SORL1-AS1: variants seen among roughly 807,000 people sequenced by gnomAD.
SORL1-AS1 encodes lncRNA 51 A.
At chr11:121,446,838 C>T (rs1486686239), downstream of SORL1-AS1, among the ~76,000 whole-genome samples, 2 of 152,062 alleles carry the variant, frequency 1.3e-5, no homozygotes, top group Non-Finnish European at 2.9e-5. Context: ...CTTGCTGGCC[C>T]TAAGAGAGTG....
chr11:121,444,107 T>C (rs1038098419), downstream of SORL1-AS1, among the ~76,000 whole-genome samples: 1 of 151,992 alleles, frequency 6.6e-6, no homozygotes, highest in Non-Finnish European at 1.5e-5. Context: ...TGTGTGTGTG[T>C]GTGTCTGTGT....
At chr11:121,442,838 C>T (rs1860676956), downstream of SORL1-AS1, among the ~76,000 whole-genome samples, 1 of 150,234 alleles carries the variant, frequency 6.7e-6, no homozygotes. Flanking sequence ...ACCACCACGC[C>T]CGGCTAATTT....
the SORL1-AS1 span, among the ~76,000 whole-genome samples, chr11:121,440,416 C>T: frequency 5.0e-3 from 765 of 152,244 alleles, 8 homozygotes; most frequent in African/African-American, 0.017. Context: ...TCCAGAGGGC[C>T]AGAGGATGGC....
the SORL1-AS1 span, among the ~76,000 whole-genome samples, chr11:121,439,974 C>T: frequency 6.6e-6 from 1 of 152,134 alleles, no homozygotes; most frequent in Non-Finnish European, 1.5e-5. Flanking sequence ...CATTAATCTT[C>T]TAGTTACTGG....
downstream of SORL1-AS1, among the ~76,000 whole-genome samples, chr11:121,444,201 A>T (rs900001606): frequency 6.6e-6 from 1 of 152,146 alleles, no homozygotes; most frequent in Admixed American, 6.5e-5. Context: ...CCTGGTAGTG[A>T]GGTTGAAGGG....
At chr11:121,448,891 T>A (rs1860756257) in exon 2 of SORL1-AS1, 1 of 152,164 alleles carries the variant, frequency 6.6e-6, no homozygotes, top group Non-Finnish European at 1.5e-5. Flanking sequence ...CCTAGGTGCC[T>A]AAGGAGGCTG....
chr11:121,439,521 A>G, the SORL1-AS1 span, among the ~76,000 whole-genome samples: 1 of 151,978 alleles, frequency 6.6e-6, no homozygotes, highest in Non-Finnish European at 1.5e-5. Context: ...CCAGACACCC[A>G]AGGGATTTGA....
chr11:121,447,339 G>T (rs192507769), exon 2 of SORL1-AS1: 2,427 of 151,106 alleles, frequency 0.016, 29 homozygotes, highest in Non-Finnish European at 0.021. Context: ...TTGAGACAGG[G>T]TCTCTCTCTG....
downstream of SORL1-AS1, among the ~76,000 whole-genome samples, chr11:121,442,991 A>G (rs1229548946): frequency 6.7e-6 from 1 of 149,386 alleles, no homozygotes; most frequent in Non-Finnish European, 1.5e-5. Context: ...GCTCTGTCTC[A>G]CAAAAGAAAA....
chr11:121,440,218 T>C, the SORL1-AS1 span, among the ~76,000 whole-genome samples: 1 of 152,122 alleles, frequency 6.6e-6, no homozygotes, highest in African/African-American at 2.4e-5. Context: ...ACTAAAAGTA[T>C]AAGAATTAGC....
chr11:121,446,732 C>G (rs1181016271), downstream of SORL1-AS1, among the ~76,000 whole-genome samples: 1 of 147,410 alleles, frequency 6.8e-6, no homozygotes, highest in African/African-American at 2.5e-5. Context: ...GCCTGGGTGA[C>G]AGAAACTCTG....
downstream of SORL1-AS1, among the ~76,000 whole-genome samples, chr11:121,443,594 A>T (rs554693929): frequency 6.6e-6 from 1 of 152,328 alleles, no homozygotes; most frequent in East Asian, 1.9e-4. Flanking sequence ...AATCCATGCT[A>T]GGGGTGTACA....
chr11:121,452,929 A>T lies in SORL1-AS1; in HGVS notation n.85T>A. The T allele has an allele frequency of 3.3e-6, 1 of 303,798 alleles. No individual in the cohort carries two copies. Among genetic ancestry groups the T allele is most frequent in the South Asian group, 1.3e-4 (1 of 7,590 alleles). The allele number at this position is 303,798 out of a possible 1,614,324, so 18.8% of individuals were successfully genotyped here. On this transcript the variant is annotated non_coding_transcript_exon_variant, in exon 1 of 2. Coordinates refer to ENST00000501964, the Ensembl canonical transcript of SORL1-AS1. This position sits in a 1 kb window ranked among gnomAD's most constrained non-coding sequence, Gnocchi z 5.3. ...GTGCAGCTTCATTTTACATCTGGATAAAAAACGGGCTTTCTTTAGTGTATC... is the reference window on the plus strand; with the variant it reads ...GTGCAGCTTCATTTTACATCTGGATTAAAAACGGGCTTTCTTTAGTGTATC...
the SORL1-AS1 span, among the ~76,000 whole-genome samples, chr11:121,438,447 C>G: frequency 5.1e-3 from 769 of 152,076 alleles, 6 homozygotes; most frequent in African/African-American, 0.018. Context: ...TGTGGCCCAC[C>G]CTCCCTCTAC....
At chr11:121,445,992 G>A (rs185951480), downstream of SORL1-AS1, among the ~76,000 whole-genome samples, 357 of 152,234 alleles carry the variant, frequency 2.3e-3, no homozygotes, top group Admixed American at 4.2e-3. Context: ...GCCCTCAGAG[G>A]CCTCTCTGCC....
downstream of SORL1-AS1, among the ~76,000 whole-genome samples, chr11:121,447,001 T>A (rs1860732998): frequency 6.6e-6 from 1 of 152,216 alleles, no homozygotes; most frequent in Admixed American, 6.5e-5. Flanking sequence ...CCTTGATATG[T>A]AATTACACGG....
the SORL1-AS1 span, among the ~76,000 whole-genome samples, chr11:121,441,293 G>T: frequency 6.6e-5 from 10 of 151,950 alleles, no homozygotes; most frequent in Admixed American, 5.2e-4. Context: ...GGAGGCCGAG[G>T]CGGGCAGATC....
the SORL1-AS1 span, among the ~76,000 whole-genome samples, chr11:121,438,428 C>G: frequency 1.3e-5 from 2 of 152,084 alleles, no homozygotes; most frequent in Non-Finnish European, 2.9e-5. Context: ...TTTTCCCATG[C>G]TCCTTTCCTG....
chr11:121,442,641 T>TTTTTTTTA (rs1555041788), downstream of SORL1-AS1, among the ~76,000 whole-genome samples: 1 of 127,538 alleles, frequency 7.8e-6, no homozygotes, highest in Non-Finnish European at 1.6e-5. Flanking sequence ...TCTCTCTCTC[T>TTTTTTTTA]TTTATTTATT....
Sources: gnomAD v4.1 joint callset for allele counts (sites outside exome capture counted in the v4.1 genomes callset) on GRCh38, gnomAD v4.1.1 for gene constraint, Gnocchi (gnomAD v3.1) non-coding constraint, MANE v1.5 for transcripts, NCBI Gene and HGNC (gene_info 2026-07-23, HGNC 2026-07-21) for gene names.